ERICH6: variants seen among roughly 807,000 people sequenced by gnomAD.
ERICH6 encodes the protein glutamate rich 6.
In ERICH6, 71 loss-of-function variants were observed where a neutral mutation model predicts 71.0. The ratio of observed to expected loss-of-function variants is 1.00; its 90% confidence interval spans 0.83 to 1.22. The LOEUF is 1.22. Ranked by LOEUF, ERICH6 falls within the 50% of genes most tolerant of loss-of-function variation. The probability of loss-of-function intolerance (pLI) is 0.00; values close to 1 mark genes in which losing one functional copy is unlikely to be tolerated. For synonymous variants in ERICH6, 262 were observed against 278.4 expected (o/e 0.94, Z 0.59); for missense variants, 808 against 797.2 (o/e 1.01, Z -0.16).
intron 10 of ERICH6, among the ~76,000 whole-genome samples, chr3:150,674,666 T>C (rs1711582120): frequency 6.6e-6 from 1 of 152,218 alleles, no homozygotes; most frequent in Non-Finnish European, 1.5e-5. Flanking sequence ...TCTGAGATTA[T>C]ACTGGATCTA....
chr3:150,702,002 T>C (rs1396975910), intron 2 of ERICH6, 119 bp downstream of exon 2: 3 of 733,712 alleles, frequency 4.1e-6, no homozygotes, highest in Non-Finnish European at 6.7e-6. Flanking sequence ...AAAAAAAACT[T>C]TTTAAAATAA....
rs528943914 is a variant in ERICH6, at chr3:150,683,894, G to A, written c.784-1578C>T. On this transcript the variant is annotated intron_variant, in intron 6 of 13. Coordinates refer to ENST00000295910, the MANE Select transcript of ERICH6 (RefSeq NM_152394.5). The stretch of plus-strand genomic sequence containing the variant: ...CTGAACTAGATTGGCATCATCACTA[G>A]ACCTGAAAGACCTGCTGAGGAGCAG... Among the ~76,000 whole-genome samples the A allele has an allele frequency of 2.0e-5, 3 of 152,322 alleles. No homozygotes were observed. In the South Asian group the frequency reaches 6.2e-4, roughly 32 times the overall value.
intron 10 of ERICH6, among the ~76,000 whole-genome samples, chr3:150,675,005 C>T (rs567505973): frequency 4.6e-5 from 7 of 152,160 alleles, no homozygotes; most frequent in East Asian, 3.9e-4. Context: ...TGGTGGCACA[C>T]GCCTGTAATC....
chr3:150,698,697 G>T, intron 3 of ERICH6, 94 bp downstream of exon 3: 1 of 1,012,410 alleles, frequency 9.9e-7, no homozygotes, highest in Non-Finnish European at 1.5e-6. Flanking sequence ...TTGGGGCTGG[G>T]ATTCAAATCT....
At chr3:150,699,419 C>T (rs1196409615) in intron 2 of ERICH6, among the ~76,000 whole-genome samples, 3 of 152,178 alleles carry the variant, frequency 2.0e-5, no homozygotes, top group Non-Finnish European at 1.5e-5. Context: ...CCTAGACACT[C>T]CACAGGAAAT....
At chr3:150,660,508 T>G (rs1173370722) in intron 13 of ERICH6, among the ~76,000 whole-genome samples, 1 of 152,030 alleles carries the variant, frequency 6.6e-6, no homozygotes, top group Admixed American at 6.6e-5. Flanking sequence ...GAAGGCTGGG[T>G]GCTCACTGGG....
At chr3:150,668,237 A>G (rs1226625227) in intron 12 of ERICH6, among the ~76,000 whole-genome samples, 1 of 152,202 alleles carries the variant, frequency 6.6e-6, no homozygotes, top group Non-Finnish European at 1.5e-5. Context: ...ATGTGCTGCT[A>G]TGTAGTAGCA....
intron 10 of ERICH6, among the ~76,000 whole-genome samples, chr3:150,678,082 C>G (rs1329598889): frequency 6.6e-6 from 1 of 152,112 alleles, no homozygotes; most frequent in African/African-American, 2.4e-5. Context: ...CCATATTGGG[C>G]AGTGCAAGTC....
Position 150,666,725 on chromosome 3 carries a change from A to G in ERICH6, c.1728+62T>C, listed in dbSNP as rs1727425882. The G allele has an allele frequency of 2.8e-6, 4 of 1,421,828 alleles. No homozygotes were observed. In the South Asian group the frequency reaches 5.2e-5, roughly 18 times the overall value. 88.1% of individuals were successfully genotyped at this position (1,421,828 alleles called of 1,614,324 possible). A position where few individuals can be genotyped will look rare whatever the true frequency, so the allele number is the denominator to read the frequency against. Reference sequence around the variant, plus strand: ...TAATCTATCAGTAATAATACTAACAAAAGTTAGTTTACTCTTATTATTATT... The same window carrying G: ...TAATCTATCAGTAATAATACTAACAGAAGTTAGTTTACTCTTATTATTATT... On this transcript the variant is annotated intron_variant, in intron 13 of 13. Coordinates refer to ENST00000295910, the MANE Select transcript of ERICH6 (RefSeq NM_152394.5).
intron 2 of ERICH6, among the ~76,000 whole-genome samples, chr3:150,700,488 G>T (rs1158692766): frequency 6.6e-6 from 1 of 151,878 alleles, no homozygotes; most frequent in Non-Finnish European, 1.5e-5. Context: ...AAAGAAAGAA[G>T]ACAATATGGG....
In ERICH6 at chr3:150,703,730, C is replaced by T. The variant is rs1713040273; in HGVS notation, c.169G>A (p.Glu57Lys). The change falls in exon 1 of 14, where the codon GAG (glutamate) becomes AAG (lysine). Residue 57 changes from glutamate (E) to lysine (K), a missense_variant. Glu to Lys is a moderately conservative substitution (Grantham distance 56, BLOSUM62 1). Transcript: ENST00000295910. ...TGCTCTTCCCCCACCAACTCCTCCTCCACCACCTCCTCCTCCTCCTCCTCC... is the reference window on the plus strand; with the variant it reads ...TGCTCTTCCCCCACCAACTCCTCCTTCACCACCTCCTCCTCCTCCTCCTCC... ...EVEEEEEEVV[E>K]EELVGEEQEL... 1 of 1,601,050 alleles carries T rather than the reference C, an allele frequency of 6.2e-7. No individual in the cohort carries two copies. The highest frequency in any genetic ancestry group is 1.4e-5 in the African/African-American group (1 of 73,546).
chr3:150,678,650 C>T (rs2108055315), intron 9 of ERICH6, 96 bp from the exon 10 acceptor site: 1 of 948,086 alleles, frequency 1.1e-6, no homozygotes, highest in South Asian at 1.8e-5. Flanking sequence ...TATAAATGCA[C>T]TGATTCATAA....
At chr3:150,661,822 A>T (rs962240916) in intron 13 of ERICH6, among the ~76,000 whole-genome samples, 8 of 152,100 alleles carry the variant, frequency 5.3e-5, no homozygotes, top group Admixed American at 2.6e-4. Context: ...TTTCAGTTAC[A>T]GTGAGCTATG....
In ERICH6 at chr3:150,686,200, C is replaced by A; in HGVS notation, c.610+98G>T. 6.3e-6 allele frequency: 9 copies of A among 1,435,290 alleles called. No individual in the cohort carries two copies. In the South Asian group the frequency reaches 1.0e-4, roughly 17 times the overall value. The allele number at this position is 1,435,290 out of a possible 1,614,324, so 88.9% of individuals were successfully genotyped here. ...TCTCACACCTGTTCTTAGGTGAGTCCTTTTTCAAAGCAGATGGGCTCTGTG... is the reference window on the plus strand; with the variant it reads ...TCTCACACCTGTTCTTAGGTGAGTCATTTTTCAAAGCAGATGGGCTCTGTG... On this transcript the variant is annotated intron_variant, in intron 4 of 13. Transcript: ENST00000295910.
intron 2 of ERICH6, among the ~76,000 whole-genome samples, chr3:150,699,717 T>TA (rs1178685062): frequency 0.029 from 3,237 of 111,398 alleles, 134 homozygotes; most frequent in African/African-American, 0.11. Flanking sequence ...CTCAAAGAGA[T>TA]AAAAACAAAA....
chr3:150,686,190 T>C lies in ERICH6; in HGVS notation c.610+108A>G, dbSNP rs957742267. On this transcript the variant is annotated intron_variant, in intron 4 of 13. Transcript: ENST00000295910. ...TTCGCCACCTTCTCACACCTGTTCT[T>C]AGGTGAGTCCTTTTTCAAAGCAGAT... 50 of 1,341,148 alleles carry C rather than the reference T, an allele frequency of 3.7e-5. No individual in the cohort carries two copies. In the Admixed American group the frequency reaches 8.0e-4, roughly 22 times the overall value. 83.1% of individuals were successfully genotyped at this position (1,341,148 alleles called of 1,614,324 possible). A position where few individuals can be genotyped will look rare whatever the true frequency, so the allele number is the denominator to read the frequency against.
At chr3:150,668,554 C>T (rs976685485) in intron 12 of ERICH6, among the ~76,000 whole-genome samples, 10 of 152,164 alleles carry the variant, frequency 6.6e-5, no homozygotes, top group Middle Eastern at 3.4e-3. Flanking sequence ...CTGCTGTGGA[C>T]GAAAAACACA....
In ERICH6 at chr3:150,678,649, A is replaced by T. The variant is rs541971380; in HGVS notation, c.1112-95T>A. On this transcript the variant is annotated intron_variant, in intron 9 of 13. Transcript: ENST00000295910. ...AAATTTCAAACCCCAATATAAATGCACTGATTCATAAGACATTTTTATATT... is the reference window on the plus strand; with the variant it reads ...AAATTTCAAACCCCAATATAAATGCTCTGATTCATAAGACATTTTTATATT... 6 of 947,866 alleles carry T rather than the reference A, an allele frequency of 6.3e-6. No individual in the cohort carries two copies. In the East Asian group the frequency reaches 1.2e-4, roughly 19 times the overall value. 58.7% of individuals were successfully genotyped at this position (947,866 alleles called of 1,614,324 possible). A position where few individuals can be genotyped will look rare whatever the true frequency, so the allele number is the denominator to read the frequency against.
At chr3:150,676,706 A>G (rs1245692339) in intron 10 of ERICH6, among the ~76,000 whole-genome samples, 1 of 151,954 alleles carries the variant, frequency 6.6e-6, no homozygotes, top group Non-Finnish European at 1.5e-5. Context: ...GCATGATCAT[A>G]GCTCACTGCT....
Sources: allele counts gnomAD v4.1 joint callset (sites outside exome capture counted in the v4.1 genomes callset), GRCh38; gene constraint gnomAD v4.1.1; transcripts MANE v1.5; gene names NCBI Gene and HGNC (gene_info 2026-07-23, HGNC 2026-07-21).